The following GPR162 variants were observed in gnomAD, a reference collection of about 807,000 sequenced individuals.
The protein encoded by GPR162 is probable G protein-coupled receptor 162.
Under a neutral mutation model 44.9 loss-of-function variants are expected in GPR162, and 26 were observed. The observed-to-expected ratio is 0.58, with a 90% CI of 0.42 to 0.80. The LOEUF (loss-of-function observed/expected upper bound fraction) is 0.80, where lower values mean the gene tolerates loss of function less well. Ranked by LOEUF, GPR162 falls within the 30% of genes least tolerant of loss-of-function variation. GPR162 has a pLI of 0.00. For missense variants in GPR162, 704 were observed against 802.3 expected (o/e 0.88, Z 1.48); for synonymous variants, 363 against 335.2 (o/e 1.08, Z -0.91).
intron 3 of GPR162, 51 bp from the exon 4 acceptor site, chr12:6,826,145 C>T: frequency 6.8e-7 from 1 of 1,469,584 alleles, no homozygotes; most frequent in African/African-American, 1.4e-5. Context: ...TGGTGGGAGG[C>T]CGCGGTAGGC....
At position 6,827,130 on chromosome 12, in the gene GPR162, G is replaced by A. The variant is rs1367434333; in HGVS notation, c.1693G>A (p.Gly565Ser). 6.2e-7 allele frequency: 1 copy of A among 1,613,316 alleles called. No individual in the cohort carries two copies. The highest frequency in any genetic ancestry group is 8.5e-7 in the Non-Finnish European group (1 of 1,180,026). ...AGGGAGACGCTGCTCCCTGACGGGG[G>A]GTGAAGAAAGTGCAAGGGCTTGGGG... The part of the protein sequence containing the change: ...SAGRRCSLTG[G>S]EESARAWGGS... Residue 565 changes from glycine (G) to serine (S), a missense_variant, in exon 5 of 5, where the codon GGT (glycine) becomes AGT (serine). By Grantham distance (56) the Gly-to-Ser change is moderately conservative. This residue lies in a region of GPR162 where 404 missense variants were observed against 314.1 expected (regional missense o/e 1.29). Coordinates refer to ENST00000311268, the MANE Select transcript of GPR162 (RefSeq NM_019858.2).
At position 6,827,020 on chromosome 12, in the gene GPR162, C is replaced by CCCGG; in HGVS notation, c.1586_1589dup (p.Leu531AlafsTer15). The CCCGG allele has an allele frequency of 6.2e-7, 1 of 1,613,400 alleles. No individual in the cohort carries two copies. The highest frequency in any genetic ancestry group is 8.5e-7 in the Non-Finnish European group (1 of 1,180,028). On this transcript the variant is annotated frameshift_variant, in exon 5 of 5. Coordinates refer to ENST00000311268, the MANE Select transcript of GPR162 (RefSeq NM_019858.2). LOFTEE classifies it high-confidence loss of function. ...TCACCAGGGCACTCTCCTCGTCGGCCCCGGCCACTGGGCCTCTCACCCCGC... is the reference window on the plus strand; with the variant it reads ...TCACCAGGGCACTCTCCTCGTCGGCCCCGGCCGGCCACTGGGCCTCTCACCCCGC...
At chr12:6,826,396 A>T (rs782235433) in intron 4 of GPR162, 43 bp downstream of exon 4, 15 of 1,555,960 alleles carry the variant, frequency 9.6e-6, no homozygotes, top group South Asian at 1.2e-5. Flanking sequence ...GGTGCCGCTC[A>T]TCACTTTTCT....
intron 3 of GPR162, 88 bp downstream of exon 3, chr12:6,825,761 C>T: frequency 1.7e-6 from 2 of 1,174,324 alleles, no homozygotes; most frequent in Non-Finnish European, 2.4e-6. Flanking sequence ...ATGGGCTGCC[C>T]TGGAGTGCCC....
Position 6,826,965 on chromosome 12 carries a change from G to A in GPR162, c.1528G>A (p.Asp510Asn), listed in dbSNP as rs782339192. The part of the protein sequence containing the change: ...FFREEITTFI[D>N]ETPLPSPTAS... Reference sequence around the variant, plus strand: ...CCGGGAGGAGATCACCACCTTCATCGATGAGACACCTCTGCCTTCTCCGAC... The same window carrying A: ...CCGGGAGGAGATCACCACCTTCATCAATGAGACACCTCTGCCTTCTCCGAC... The change falls in exon 5 of 5, where the codon GAT becomes AAT. Residue 510 changes from aspartate to asparagine, a missense_variant. Coordinates refer to ENST00000311268, the MANE Select transcript of GPR162 (RefSeq NM_019858.2). The A allele has an allele frequency of 9.9e-6, 16 of 1,613,252 alleles. No individual in the cohort carries two copies. The highest frequency in any genetic ancestry group is 2.2e-5 in the East Asian group (1 of 44,882).
At chr12:6,824,789 TGTTCTCCCCAATATCCA>T in intron 2 of GPR162, 24 bp downstream of exon 2, 2 of 1,592,940 alleles carry the variant, frequency 1.3e-6, no homozygotes, top group Non-Finnish European at 8.6e-7. Context: ...CCTCCCCACC[TGTTCTCCCCAATATCCA>T]GGCCCCAGCA....
At chr12:6,823,408 G>A in intron 1 of GPR162, 60 bp from the exon 2 acceptor site, 1 of 307,510 alleles carries the variant, frequency 3.3e-6, no homozygotes, top group Non-Finnish European at 6.0e-6. Context: ...AGGCTGATTG[G>A]AGACCAGCCC....
At chr12:6,825,919 T>C (rs1943347991) in intron 3 of GPR162, among the ~76,000 whole-genome samples, 1 of 152,134 alleles carries the variant, frequency 6.6e-6, no homozygotes, top group Non-Finnish European at 1.5e-5. Flanking sequence ...GCTCTGGCAC[T>C]ATGGGGAACC....
chr12:6,826,122 C>T, intron 3 of GPR162, 74 bp from the exon 4 acceptor site: 2 of 1,154,580 alleles, frequency 1.7e-6, no homozygotes, highest in South Asian at 2.7e-5. Flanking sequence ...TCTCTGGGAG[C>T]TTATAAAGGC....
Position 6,823,947 on chromosome 12 carries a change from G to C in GPR162, c.49G>C (p.Ala17Pro). ...GAEEASLRSN[A>P]LSWLACGLLA... ...AGAGGAGGCCTCCCTGCGCTCCAAC[G>C]CATTGTCCTGGCTGGCCTGTGGGCT... Residue 17 changes from alanine to proline, a missense_variant, in exon 2 of 5, where the codon GCA (alanine) becomes CCA (proline). Transcript: ENST00000311268. 6.3e-7 allele frequency: 1 copy of C among 1,586,202 alleles called. No homozygotes were observed. The highest frequency in any genetic ancestry group is 8.6e-7 in the Non-Finnish European group (1 of 1,167,784).
At position 6,824,391 on chromosome 12, in the gene GPR162, G is replaced by A. The variant is rs368326077; in HGVS notation, c.493G>A (p.Ala165Thr). The change falls in exon 2 of 5, where the codon GCC becomes ACC. Residue 165 changes from alanine (A) to threonine (T), a missense_variant. By Grantham distance (58) the Ala-to-Thr change is moderately conservative. Transcript: ENST00000311268. The stretch of plus-strand genomic sequence containing the variant: ...GCACAACAACGGCGAGCGCTACTAT[G>A]CCCGCGGCTGCCAGTTCATAGTCTC... The part of the protein sequence containing the change: ...GWHNNGERYY[A>T]RGCQFIVSKI... 6.2e-6 allele frequency: 10 copies of A among 1,614,080 alleles called. No homozygotes were observed. Among genetic ancestry groups the A allele is most frequent in the Non-Finnish European group, 8.5e-6 (10 of 1,180,050 alleles).
chr12:6,826,378 C>G (rs372162463), intron 4 of GPR162, 25 bp downstream of exon 4: 53 of 1,590,038 alleles, frequency 3.3e-5, no homozygotes, highest in Middle Eastern at 1.7e-4. Flanking sequence ...GATACATCTC[C>G]TACCCTTGGT....
chr12:6,824,823 C>G, intron 2 of GPR162, 58 bp downstream of exon 2: 2 of 1,378,816 alleles, frequency 1.5e-6, no homozygotes, highest in Non-Finnish European at 2.0e-6. Flanking sequence ...AGCATCATCA[C>G]CTGACCTCCA....
chr12:6,823,321 G>A (rs782772805), intron 1 of GPR162, 147 bp from the exon 2 acceptor site: 1 of 169,318 alleles, frequency 5.9e-6, no homozygotes, highest in African/African-American at 2.4e-5. Context: ...TCAGAGTTAA[G>A]GCAAAGGAAT....
Position 6,827,102 on chromosome 12 carries a change from C to G in GPR162, c.1665C>G (p.Ser555Arg). The change falls in exon 5 of 5, where the codon AGC becomes AGG. Residue 555 changes from serine to arginine, a missense_variant. Ser to Arg is a moderately radical substitution (Grantham distance 110). Transcript: ENST00000311268. ...SRAVGLPLGL[S>R]AGRRCSLTGG... ...CCGTTGGACTTCCTTTGGGACTAAG[C>G]GCAGGGAGACGCTGCTCCCTGACGG... 1 of 1,613,288 alleles carries G rather than the reference C, an allele frequency of 6.2e-7. No homozygotes were observed. Among genetic ancestry groups the G allele is most frequent in the Non-Finnish European group, 8.5e-7 (1 of 1,179,916 alleles).
At chr12:6,824,841 C>G (rs782379057) in intron 2 of GPR162, 76 bp downstream of exon 2, 2 of 1,124,378 alleles carry the variant, frequency 1.8e-6, no homozygotes, top group Non-Finnish European at 1.3e-6. Flanking sequence ...CCAACTTCAT[C>G]AGCCATACAG....
Position 6,824,345 on chromosome 12 carries a change from C to T in GPR162, c.447C>T (p.Ser149=), listed in dbSNP as rs782124832. 1.2e-6 allele frequency: 2 copies of T among 1,614,150 alleles called. No homozygotes were observed. The highest frequency in any genetic ancestry group is 1.7e-5 in the Admixed American group (1 of 60,024). ...MGIWMVSFIL[S]TLPSIGWHNN... Reference sequence around the variant, plus strand: ...TCTGGATGGTCAGCTTCATCCTCTCCACACTGCCCTCCATTGGCTGGCACA... The same window carrying T: ...TCTGGATGGTCAGCTTCATCCTCTCTACACTGCCCTCCATTGGCTGGCACA... The change falls in exon 2 of 5, where the codon TCC becomes TCT. Residue 149 remains serine, a synonymous_variant. Coordinates refer to ENST00000311268, the MANE Select transcript of GPR162 (RefSeq NM_019858.2).
rs369074125 is a variant in GPR162 at position 6,823,037 on chromosome 12, C to T, written c.-431-431C>T. Among the ~76,000 whole-genome samples the T allele has an allele frequency of 3.3e-5, 5 of 152,192 alleles. No homozygotes were observed. In the East Asian group the frequency reaches 5.8e-4, roughly 18 times the overall value. On this transcript the variant is annotated intron_variant, in intron 1 of 4. Transcript: ENST00000311268. ...ACCAAGACCCCTGCATCCAGGAGAC[C>T]GGCAGGTAGGGGAGGAAGGCTGTGA...
chr12:6,825,823 A>T, intron 3 of GPR162, 150 bp downstream of exon 3: 1 of 676,726 alleles, frequency 1.5e-6, no homozygotes, highest in Non-Finnish European at 2.5e-6. Flanking sequence ...CTAAGCAGGC[A>T]CCCTGCTGTC....
Sources: allele counts gnomAD v4.1 joint callset (sites outside exome capture counted in the v4.1 genomes callset), GRCh38; gene constraint gnomAD v4.1.1; regional missense constraint gnomAD v4.1.1; transcripts MANE v1.5; gene names NCBI Gene and HGNC (gene_info 2026-07-23, HGNC 2026-07-21).